Variants in XIRP2 observed in about 807,000 individuals in gnomAD.
XIRP2 encodes xin actin-binding repeat-containing protein 2.
In XIRP2, 236 loss-of-function variants were observed where a neutral mutation model predicts 277.0. The observed-to-expected ratio is 0.85, with a 90% CI of 0.77 to 0.95. XIRP2 has a LOEUF of 0.95. Among genes scored for constraint, XIRP2 ranks in the 40% least tolerant of loss-of-function variants. The pLI is 0.00. For synonymous variants in XIRP2, 1,490 were observed against 1,416.5 expected (o/e 1.05, Z -1.17); for missense variants, 4,640 against 4,157.5 (o/e 1.12, Z -3.19).
At chr2:167,207,471 C>G (rs1415058655) in intron 3 of XIRP2, among the ~76,000 whole-genome samples, 1 of 152,058 alleles carries the variant, frequency 6.6e-6, no homozygotes, top group Admixed American at 6.6e-5. Flanking sequence ...GGAATGCAGA[C>G]CTGTGAATAA....
chr2:167,241,049 C>G (rs764797111), intron 7 of XIRP2, among the ~76,000 whole-genome samples: 4 of 152,110 alleles, frequency 2.6e-5, no homozygotes. Context: ...TTATCAAGCT[C>G]CCTGAGAATA....
intron 1 of XIRP2, among the ~76,000 whole-genome samples, chr2:166,901,574 A>G (rs922794977): frequency 6.6e-6 from 1 of 152,008 alleles, no homozygotes; most frequent in African/African-American, 2.4e-5. Flanking sequence ...GTTGGCTCCA[A>G]AACAATTCTT....
At chr2:166,983,331 T>C (rs4667529) in intron 2 of XIRP2, among the ~76,000 whole-genome samples, 49,602 of 151,958 alleles carry the variant, frequency 0.33, 8,768 homozygotes, top group African/African-American at 0.45. Context: ...TATATTTCTT[T>C]CCCAAGTTTT....
At chr2:167,151,185 A>AT (rs1318230489) in intron 3 of XIRP2, among the ~76,000 whole-genome samples, 1 of 152,058 alleles carries the variant, frequency 6.6e-6, no homozygotes, top group East Asian at 1.9e-4. Flanking sequence ...GTTACCACAG[A>AT]TTTTGCCTGA....
chr2:167,003,323 A>T (rs1045787524), intron 2 of XIRP2, among the ~76,000 whole-genome samples: 1 of 151,988 alleles, frequency 6.6e-6, no homozygotes, highest in African/African-American at 2.4e-5. Context: ...GAATAGGATG[A>T]ATTAAATAAA....
rs1352920901 is a variant in XIRP2 at position 167,243,427 on chromosome 2, A to G, written c.2035A>G (p.Thr679Ala). ...MHQSQEESAV[T>A]ISKDITGGDV... is the part of the protein sequence containing the mutation. Reference sequence around the variant, plus strand: ...TCAAAGTCAAGAAGAATCAGCGGTAACTATCAGTAAGGACATAACTGGGGG... The same window carrying G: ...TCAAAGTCAAGAAGAATCAGCGGTAGCTATCAGTAAGGACATAACTGGGGG... Residue 679 changes from threonine to alanine, a missense_variant, in exon 9 of 11, where the codon ACT becomes GCT. By Grantham distance (58) the Thr-to-Ala change is moderately conservative (BLOSUM62 0). Transcript: ENST00000409195. 1 of 1,613,956 alleles carries G rather than the reference A, an allele frequency of 6.2e-7. No homozygotes were observed. The highest frequency in any genetic ancestry group is 1.3e-5 in the African/African-American group (1 of 74,900).
intron 2 of XIRP2, among the ~76,000 whole-genome samples, chr2:167,101,353 C>T (rs572849944): frequency 2.6e-5 from 4 of 152,216 alleles, no homozygotes; most frequent in South Asian, 2.1e-4. Flanking sequence ...TTTGGGGCAA[C>T]AGGTGGTGTT....
intron 2 of XIRP2, among the ~76,000 whole-genome samples, chr2:167,038,472 C>G (rs945248081): frequency 6.6e-6 from 1 of 150,520 alleles, no homozygotes. Context: ...AGTATGGAAT[C>G]AAACATTATC....
At chr2:167,083,984 A>G (rs2105265756) in intron 2 of XIRP2, among the ~76,000 whole-genome samples, 1 of 151,320 alleles carries the variant, frequency 6.6e-6, no homozygotes, top group African/African-American at 2.4e-5. Flanking sequence ...TATGTTGAAT[A>G]GGAGTGGTGA....
intron 2 of XIRP2, among the ~76,000 whole-genome samples, chr2:166,935,374 A>G (rs1685464145): frequency 6.6e-6 from 1 of 152,224 alleles, no homozygotes; most frequent in South Asian, 2.1e-4. Flanking sequence ...AGCTAGAAAG[A>G]GGGATGGATG....
intron 2 of XIRP2, among the ~76,000 whole-genome samples, chr2:167,053,693 T>C (rs1194718178): frequency 6.6e-6 from 1 of 152,218 alleles, no homozygotes; most frequent in Non-Finnish European, 1.5e-5. Flanking sequence ...ATTTTAATAA[T>C]TTGTCATGTT....
At chr2:166,995,865 G>A (rs78136522) in intron 2 of XIRP2, among the ~76,000 whole-genome samples, 5,601 of 152,120 alleles carry the variant, frequency 0.037, 119 homozygotes, top group East Asian at 0.061. Context: ...ACTTCTTATC[G>A]CAGAGCCTAT....
At chr2:167,253,720 A>G (rs987208819) in intron 9 of XIRP2, among the ~76,000 whole-genome samples, 49 of 151,900 alleles carry the variant, frequency 3.2e-4, no homozygotes, top group African/African-American at 1.1e-3. Flanking sequence ...ACATATATGC[A>G]CATATATATG....
chr2:167,193,298 A>G (rs564085452), intron 3 of XIRP2, among the ~76,000 whole-genome samples: 7 of 152,306 alleles, frequency 4.6e-5, no homozygotes, highest in African/African-American at 1.7e-4. Context: ...CACAATTTCA[A>G]GCCAACCAGT....
At chr2:167,024,561 GC>G (rs1204376195) in intron 2 of XIRP2, among the ~76,000 whole-genome samples, 1 of 152,028 alleles carries the variant, frequency 6.6e-6, no homozygotes, top group African/African-American at 2.4e-5. Context: ...TCCAGTTTTT[GC>G]CCATTCAGTA....
chr2:167,253,017 G>A (rs558152522), intron 9 of XIRP2, among the ~76,000 whole-genome samples: 65 of 151,990 alleles, frequency 4.3e-4, no homozygotes, highest in Non-Finnish European at 3.8e-4. Context: ...ACATAAAAAT[G>A]TGTCCTCTAC....
intron 2 of XIRP2, among the ~76,000 whole-genome samples, chr2:167,056,644 A>G (rs1312599056): frequency 1.3e-5 from 2 of 152,154 alleles, no homozygotes; most frequent in Non-Finnish European, 2.9e-5. Flanking sequence ...AACATTGCTG[A>G]GTGTTAGTTT....
intron 2 of XIRP2, among the ~76,000 whole-genome samples, chr2:166,996,538 A>T (rs1030508163): frequency 6.6e-6 from 1 of 152,152 alleles, no homozygotes; most frequent in African/African-American, 2.4e-5. Flanking sequence ...GAAGCAGGAG[A>T]ATTGCTTGAC....
intron 2 of XIRP2, among the ~76,000 whole-genome samples, chr2:167,092,073 A>G (rs1434434751): frequency 6.6e-6 from 1 of 152,170 alleles, no homozygotes; most frequent in African/African-American, 2.4e-5. Context: ...CTAATGCCTT[A>G]AGTAACTTTT....
Sources: allele counts gnomAD v4.1 joint callset (sites outside exome capture counted in the v4.1 genomes callset), GRCh38; gene constraint gnomAD v4.1.1; transcripts MANE v1.5; gene names NCBI Gene and HGNC (gene_info 2026-07-23, HGNC 2026-07-21).